The following GRIK1 variants were observed in gnomAD, a reference collection of about 807,000 sequenced individuals.
GRIK1 encodes glutamate ionotropic receptor kainate type subunit 1, also known as glutamate receptor ionotropic, kainate 1.
In GRIK1, 69 loss-of-function variants were observed where a neutral mutation model predicts 105.7. That is an observed-to-expected ratio of 0.65 (90% CI 0.54 to 0.80). The LOEUF (loss-of-function observed/expected upper bound fraction) is 0.80, where lower values mean the gene tolerates loss of function less well. Ranked by LOEUF, GRIK1 falls within the 30% of genes least tolerant of loss-of-function variation. The pLI, the probability that GRIK1 is intolerant of heterozygous loss-of-function variation, is 0.00. For synonymous variants in GRIK1, 438 were observed against 431.3 expected, an observed-to-expected ratio of 1.02 and a Z score of -0.19; for missense variants, 1,109 against 1,167.3, an observed-to-expected ratio of 0.95 and a Z score of 0.73.
chr21:29,695,438 A>ATCTG (rs1378785893), intron 1 of GRIK1, among the ~76,000 whole-genome samples: 2 of 123,692 alleles, frequency 1.6e-5, no homozygotes, highest in Non-Finnish European at 3.5e-5. Flanking sequence ...CTATATCAAT[A>ATCTG]TCTATCTATC....
At chr21:29,806,149 T>C (rs987619776) in intron 1 of GRIK1, among the ~76,000 whole-genome samples, 8 of 152,186 alleles carry the variant, frequency 5.3e-5, no homozygotes, top group Non-Finnish European at 8.8e-5. Context: ...ATAGTATTTA[T>C]GCTTATAAAA....
chr21:29,877,198 C>T (rs1028825459), intron 1 of GRIK1, among the ~76,000 whole-genome samples: 2 of 152,082 alleles, frequency 1.3e-5, no homozygotes, highest in African/African-American at 4.8e-5. Flanking sequence ...AAATATTTTA[C>T]AGCTCCTTTA....
At chr21:29,611,821 G>A (rs1286229007) in intron 7 of GRIK1, among the ~76,000 whole-genome samples, 2 of 152,106 alleles carry the variant, frequency 1.3e-5, no homozygotes, top group African/African-American at 4.8e-5. Flanking sequence ...ACATTCTCAA[G>A]CCCAAAATAA....
chr21:29,800,178 G>A (rs948337551), intron 1 of GRIK1, among the ~76,000 whole-genome samples: 1 of 152,116 alleles, frequency 6.6e-6, no homozygotes. Context: ...TACACGATCT[G>A]GCTTTCTTAA....
intron 7 of GRIK1, among the ~76,000 whole-genome samples, chr21:29,623,463 A>G (rs1026886479): frequency 2.6e-5 from 4 of 152,054 alleles, no homozygotes; most frequent in African/African-American, 7.2e-5. Context: ...AAAAAAATCA[A>G]TAGGAAGCTG....
intron 1 of GRIK1, among the ~76,000 whole-genome samples, chr21:29,859,559 C>T (rs2068574606): frequency 6.6e-6 from 1 of 152,172 alleles, no homozygotes; most frequent in Non-Finnish European, 1.5e-5. Flanking sequence ...AGGGGGCACT[C>T]CCGTCTCCTC....
At chr21:29,883,348 C>T (rs935281290) in intron 1 of GRIK1, among the ~76,000 whole-genome samples, 1 of 152,022 alleles carries the variant, frequency 6.6e-6, no homozygotes, top group African/African-American at 2.4e-5. Flanking sequence ...AATGGCTTCA[C>T]ATTTGACCTT....
At chr21:29,692,408 G>A (rs2063601971) in intron 2 of GRIK1, among the ~76,000 whole-genome samples, 1 of 152,192 alleles carries the variant, frequency 6.6e-6, no homozygotes, top group Non-Finnish European at 1.5e-5. Context: ...GATAATTTAT[G>A]TGAGGATAGC....
intron 1 of GRIK1, among the ~76,000 whole-genome samples, chr21:29,926,935 G>A (rs1323438075): frequency 1.3e-5 from 2 of 152,020 alleles, no homozygotes; most frequent in Non-Finnish European, 2.9e-5. Context: ...TCAATCCTTC[G>A]AGGTTAATTG....
intron 1 of GRIK1, chr21:29,861,708 A>G: frequency 2.2e-6 from 1 of 446,118 alleles, no homozygotes; most frequent in Non-Finnish European, 4.5e-6. Context: ...TTCTGCATAA[A>G]TGTATTTGAT....
intron 1 of GRIK1, among the ~76,000 whole-genome samples, chr21:29,888,348 T>A (rs1337351869): frequency 6.7e-6 from 1 of 149,918 alleles, no homozygotes; most frequent in Admixed American, 6.7e-5. Flanking sequence ...CACTGCAGCC[T>A]TGACCTCCTG....
chr21:29,714,515 T>A (rs1309555270), intron 1 of GRIK1, among the ~76,000 whole-genome samples: 2 of 152,166 alleles, frequency 1.3e-5, no homozygotes, highest in Non-Finnish European at 2.9e-5. Context: ...ACCAGGACAG[T>A]AGGTCACCCT....
At chr21:29,556,464 A>AT (rs2146134519) in intron 15 of GRIK1, among the ~76,000 whole-genome samples, 1 of 152,230 alleles carries the variant, frequency 6.6e-6, no homozygotes, top group South Asian at 2.1e-4. Context: ...TTGTGGTTAC[A>AT]TTTTTTAAGT....
intron 1 of GRIK1, among the ~76,000 whole-genome samples, chr21:29,914,075 C>T (rs73898540): frequency 1.3e-5 from 2 of 151,942 alleles, no homozygotes; most frequent in African/African-American, 4.8e-5. Context: ...TAAAATAATT[C>T]TTTATTGTGG....
intron 1 of GRIK1, among the ~76,000 whole-genome samples, chr21:29,782,350 T>C (rs1280778446): frequency 6.6e-6 from 1 of 152,198 alleles, no homozygotes; most frequent in Non-Finnish European, 1.5e-5. Context: ...CCTCCCAAAG[T>C]GTTGGGATTA....
intron 14 of GRIK1, among the ~76,000 whole-genome samples, chr21:29,567,517 C>T (rs1259161361): frequency 6.6e-6 from 1 of 152,090 alleles, no homozygotes; most frequent in Non-Finnish European, 1.5e-5. Context: ...CTGAAATATA[C>T]ATTAGAAATA....
At chr21:29,927,945 C>T (rs1369712338) in intron 1 of GRIK1, among the ~76,000 whole-genome samples, 2 of 152,042 alleles carry the variant, frequency 1.3e-5, no homozygotes, top group African/African-American at 2.4e-5. Context: ...CACACATATA[C>T]ATATATACAT....
At chr21:29,828,011 C>CTCTGTCTCTGTGTG (rs1218773356) in intron 1 of GRIK1, among the ~76,000 whole-genome samples, 6 of 76,380 alleles carry the variant, frequency 7.9e-5, no homozygotes, top group African/African-American at 1.9e-4. Flanking sequence ...CTGTCTCTCT[C>CTCTGTCTCTGTGTG]TGTGTGTGTG....
chr21:29,740,920 T>C (rs1366472572), intron 1 of GRIK1, among the ~76,000 whole-genome samples: 1 of 152,174 alleles, frequency 6.6e-6, no homozygotes, highest in Non-Finnish European at 1.5e-5. Flanking sequence ...TATTCTACTT[T>C]CTCAAGAAGA....
Sources: gnomAD v4.1 joint callset for allele counts (sites outside exome capture counted in the v4.1 genomes callset) on GRCh38, gnomAD v4.1.1 for gene constraint, MANE v1.5 for transcripts, NCBI Gene and HGNC (gene_info 2026-07-23, HGNC 2026-07-21) for gene names.